PCCB: variants seen among roughly 807,000 people sequenced by gnomAD.
The protein encoded by PCCB is propionyl-CoA carboxylase subunit beta, also known as propionyl-CoA carboxylase beta chain, mitochondrial.
A neutral mutation model predicts 60.7 loss-of-function variants in PCCB; 43 were observed. That is an observed-to-expected ratio of 0.71 (90% CI 0.55 to 0.91). The LOEUF is 0.91. PCCB is among the 40% of genes least tolerant of loss of function. The probability of loss-of-function intolerance (pLI) is 0.00; values close to 1 mark genes in which losing one functional copy is unlikely to be tolerated. For missense variants in PCCB, 766 were observed against 702.8 expected, an observed-to-expected ratio of 1.09 and a Z score of -1.02; for synonymous variants, 276 against 255.9, an observed-to-expected ratio of 1.08 and a Z score of -0.75.
chr3:136,321,209 G>A (rs1157767742), intron 10 of PCCB, among the ~76,000 whole-genome samples: 1 of 152,150 alleles, frequency 6.6e-6, no homozygotes, highest in Non-Finnish European at 1.5e-5. Context: ...TAGACTTACA[G>A]AACAGTTACA....
At chr3:136,299,265 CAT>C (rs1228125453) in intron 8 of PCCB, among the ~76,000 whole-genome samples, 4 of 151,700 alleles carry the variant, frequency 2.6e-5, no homozygotes, top group African/African-American at 7.3e-5. Context: ...TGTGTATATA[CAT>C]ATGTTCATGT....
At chr3:136,281,487 C>T (rs1942473822) in intron 5 of PCCB, among the ~76,000 whole-genome samples, 1 of 151,822 alleles carries the variant, frequency 6.6e-6, no homozygotes, top group Admixed American at 6.6e-5. Flanking sequence ...TTGTGGTGTT[C>T]TCATTTTGTT....
intron 9 of PCCB, among the ~76,000 whole-genome samples, chr3:136,306,669 C>T (rs555581503): frequency 1.6e-5 from 2 of 121,510 alleles, no homozygotes; most frequent in African/African-American, 5.0e-5. Flanking sequence ...ACCTTTAATA[C>T]AATTATTGGT....
chr3:136,256,759 G>C, intron 3 of PCCB, 136 bp downstream of exon 3: 1 of 722,674 alleles, frequency 1.4e-6, no homozygotes, highest in Non-Finnish European at 2.6e-6. Flanking sequence ...TTGCTTTTCA[G>C]TGCGTGTTTC....
intron 10 of PCCB, among the ~76,000 whole-genome samples, chr3:136,319,650 G>T (rs1229435815): frequency 6.6e-6 from 1 of 152,102 alleles, no homozygotes; most frequent in African/African-American, 2.4e-5. Flanking sequence ...TGCCCACCTT[G>T]GCCTCCCAAA....
chr3:136,264,458 A>ATATATATATATATATATG (rs1560000174), intron 5 of PCCB, among the ~76,000 whole-genome samples: 6 of 148,174 alleles, frequency 4.0e-5, no homozygotes, highest in African/African-American at 1.5e-4. Flanking sequence ...GTATATATAT[A>ATATATATATATATATATG]TATGTTCCTC....
At chr3:136,300,306 C>T (rs906123783) in intron 8 of PCCB, among the ~76,000 whole-genome samples, 1 of 152,186 alleles carries the variant, frequency 6.6e-6, no homozygotes, top group Admixed American at 6.5e-5. Flanking sequence ...CAAGGCCAAA[C>T]CTCAGCCCAG....
chr3:136,293,135 A>G (rs999569861), intron 6 of PCCB, among the ~76,000 whole-genome samples: 8 of 152,082 alleles, frequency 5.3e-5, no homozygotes, highest in Non-Finnish European at 8.8e-5. Flanking sequence ...CTGAATAGCT[A>G]GGACTACAGG....
chr3:136,262,603 CATAAA>C (rs1941856799), intron 5 of PCCB, among the ~76,000 whole-genome samples: 1 of 152,034 alleles, frequency 6.6e-6, no homozygotes, highest in African/African-American at 2.4e-5. Flanking sequence ...TGAAAAGAAA[CATAAA>C]ATAATGTGTT....
chr3:136,313,342 T>A (rs1419406105), intron 9 of PCCB, among the ~76,000 whole-genome samples: 1 of 152,182 alleles, frequency 6.6e-6, no homozygotes, highest in Non-Finnish European at 1.5e-5. Flanking sequence ...GTAAGCCACG[T>A]GTAGATTGGT....
chr3:136,300,145 T>G (rs1934205040), intron 8 of PCCB, among the ~76,000 whole-genome samples: 2 of 148,142 alleles, frequency 1.4e-5, no homozygotes, highest in Non-Finnish European at 3.0e-5. Context: ...TCTACACATG[T>G]GTTCACATAC....
At chr3:136,265,899 C>T (rs1445577169) in intron 5 of PCCB, among the ~76,000 whole-genome samples, 1 of 151,268 alleles carries the variant, frequency 6.6e-6, no homozygotes, top group East Asian at 1.9e-4. Flanking sequence ...GATCTCGGCT[C>T]ACTGCAAGCT....
chr3:136,319,556 C>T (rs1346041370), intron 10 of PCCB, among the ~76,000 whole-genome samples: 1 of 152,080 alleles, frequency 6.6e-6, no homozygotes, highest in Admixed American at 6.5e-5. Context: ...TGCCACCATG[C>T]TGGGCTAATT....
chr3:136,274,958 A>C (rs1364714727), intron 5 of PCCB, among the ~76,000 whole-genome samples: 4 of 151,810 alleles, frequency 2.6e-5, no homozygotes, highest in Admixed American at 2.6e-4. Context: ...CTACAGGCAC[A>C]TGCCACCACT....
intron 7 of PCCB, among the ~76,000 whole-genome samples, chr3:136,296,892 G>A (rs1380878729): frequency 6.6e-6 from 1 of 152,232 alleles, no homozygotes; most frequent in Non-Finnish European, 1.5e-5. Context: ...TGTTTTAGGT[G>A]CTAGGAATAC....
intron 9 of PCCB, among the ~76,000 whole-genome samples, chr3:136,311,923 T>C (rs1459909094): frequency 6.6e-6 from 1 of 152,198 alleles, no homozygotes. Context: ...ATAAACAGTT[T>C]TTAAAAACTA....
chr3:136,298,880 C>T (rs957791026), intron 8 of PCCB, among the ~76,000 whole-genome samples: 2 of 152,182 alleles, frequency 1.3e-5, no homozygotes, highest in Admixed American at 1.3e-4. Flanking sequence ...TAGCTTAAAC[C>T]TGGACTCCTT....
chr3:136,253,738 A>G (rs891486653), intron 1 of PCCB, among the ~76,000 whole-genome samples: 2 of 146,020 alleles, frequency 1.4e-5, no homozygotes, highest in African/African-American at 5.1e-5. Flanking sequence ...TGGTGTAATC[A>G]TGGCTTAGTG....
intron 8 of PCCB, among the ~76,000 whole-genome samples, chr3:136,300,225 G>T (rs1576340869): frequency 6.6e-6 from 1 of 152,034 alleles, no homozygotes; most frequent in South Asian, 2.1e-4. Context: ...TAGCAGATGG[G>T]GCTACCCTTA....
Sources: allele counts gnomAD v4.1 joint callset (sites outside exome capture counted in the v4.1 genomes callset), GRCh38; gene constraint gnomAD v4.1.1; transcripts MANE v1.5; gene names NCBI Gene and HGNC (gene_info 2026-07-23, HGNC 2026-07-21).